RNF180: variants seen among roughly 807,000 people sequenced by gnomAD.
The protein encoded by RNF180 is E3 ubiquitin-protein ligase RNF180.
Under a neutral mutation model 59.2 loss-of-function variants are expected in RNF180, and 38 were observed. That is an observed-to-expected ratio of 0.64 (90% CI 0.50 to 0.84). The LOEUF (loss-of-function observed/expected upper bound fraction) is 0.84. Ranked by LOEUF, RNF180 falls within the 40% of genes least tolerant of loss-of-function variation. RNF180 has a pLI of 0.00. For synonymous variants in RNF180, 262 were observed against 240.3 expected (o/e 1.09, Z -0.84); for missense variants, 705 against 700.9 (o/e 1.01, Z -0.07).
chr5:64,365,751 T>C (rs1580318221), intron 7 of RNF180, among the ~76,000 whole-genome samples: 3 of 151,584 alleles, frequency 2.0e-5, no homozygotes, highest in Admixed American at 2.0e-4. Flanking sequence ...TGTCTTTTTT[T>C]ATCTTTGTTG....
intron 5 of RNF180, among the ~76,000 whole-genome samples, chr5:64,322,232 TG>T (rs1167657760): frequency 1.3e-5 from 2 of 151,880 alleles, no homozygotes; most frequent in Non-Finnish European, 2.9e-5. Context: ...AGCTACAAAA[TG>T]GGAGAAAATT....
intron 3 of RNF180, among the ~76,000 whole-genome samples, chr5:64,212,658 G>A (rs571784159): frequency 6.6e-6 from 1 of 152,158 alleles, no homozygotes; most frequent in Admixed American, 6.5e-5. Flanking sequence ...AAATAAATAG[G>A]ATAATTAATG....
At chr5:64,363,968 A>G (rs1010739473) in intron 7 of RNF180, among the ~76,000 whole-genome samples, 1 of 151,814 alleles carries the variant, frequency 6.6e-6, no homozygotes, top group Non-Finnish European at 1.5e-5. Context: ...TTTGCTTATC[A>G]GCTTAAGAAC....
In RNF180 at chr5:64,240,886, C is replaced by T. The variant is rs139260281; in HGVS notation, c.1227+23490C>T. On this transcript the variant is annotated intron_variant, in intron 5 of 7. Coordinates refer to ENST00000389100, the MANE Select transcript of RNF180 (RefSeq NM_001113561.2). ...TACATCTACATTCTTAATTTCTCTACTTAGTGTGGTTTTTCTTCATAGTAC... is the reference window on the plus strand; with the variant it reads ...TACATCTACATTCTTAATTTCTCTATTTAGTGTGGTTTTTCTTCATAGTAC... Among the ~76,000 whole-genome samples the T allele has an allele frequency of 8.5e-5, 13 of 152,282 alleles. No homozygotes were observed. The East Asian group carries it at 2.5e-3, about 29-fold the overall frequency.
chr5:64,171,042 T>TATAGATATAGAGTAACAATATAG (rs1346312841), intron 1 of RNF180, among the ~76,000 whole-genome samples: 2 of 152,184 alleles, frequency 1.3e-5, no homozygotes, highest in Non-Finnish European at 2.9e-5. Flanking sequence ...TTTGGAGTAA[T>TATAGATATAGAGTAACAATATAG]AGTCAACGAT....
At chr5:64,186,714 A>G (rs989354258) in intron 1 of RNF180, among the ~76,000 whole-genome samples, 6 of 152,144 alleles carry the variant, frequency 3.9e-5, no homozygotes, top group South Asian at 2.1e-4. Context: ...TTAAAATTAT[A>G]TTTAGATGTA....
At chr5:64,198,930 C>T (rs1363771319) in intron 1 of RNF180, among the ~76,000 whole-genome samples, 3 of 152,124 alleles carry the variant, frequency 2.0e-5, no homozygotes, top group Non-Finnish European at 4.4e-5. Flanking sequence ...ATTCTCCTGC[C>T]TCAGCCTCCC....
At chr5:64,183,955 A>G (rs145219267) in intron 1 of RNF180, among the ~76,000 whole-genome samples, 6 of 152,274 alleles carry the variant, frequency 3.9e-5, no homozygotes, top group Admixed American at 6.5e-5. Flanking sequence ...GAACATGGCT[A>G]TTTGGAGGAT....
intron 7 of RNF180, among the ~76,000 whole-genome samples, chr5:64,351,391 T>C (rs948367821): frequency 2.6e-5 from 4 of 152,104 alleles, no homozygotes; most frequent in African/African-American, 9.7e-5. Flanking sequence ...TGAATACCCT[T>C]TATTTATTTC....
chr5:64,248,313 A>G (rs1393349359), intron 5 of RNF180, among the ~76,000 whole-genome samples: 3 of 152,240 alleles, frequency 2.0e-5, no homozygotes, highest in Admixed American at 2.0e-4. Flanking sequence ...GATCAGAGTG[A>G]ACAGGCAACC....
chr5:64,322,517 GA>G (rs1267232168), intron 5 of RNF180, among the ~76,000 whole-genome samples: 1 of 151,890 alleles, frequency 6.6e-6, no homozygotes, highest in Admixed American at 6.6e-5. Context: ...GGGCTGTGGA[GA>G]AATAGGAATG....
intron 1 of RNF180, among the ~76,000 whole-genome samples, chr5:64,179,505 A>C (rs1041089742): frequency 1.8e-4 from 27 of 152,074 alleles, no homozygotes; most frequent in African/African-American, 6.5e-4. Flanking sequence ...TATAAATCTT[A>C]CTGTGCTGTG....
intron 5 of RNF180, among the ~76,000 whole-genome samples, chr5:64,295,528 A>G (rs1281581211): frequency 6.6e-6 from 1 of 152,210 alleles, no homozygotes; most frequent in Admixed American, 6.5e-5. Context: ...GGGCCTTTCA[A>G]AAGATTGTAC....
intron 5 of RNF180, among the ~76,000 whole-genome samples, chr5:64,284,601 C>A (rs1044461782): frequency 6.6e-6 from 1 of 152,148 alleles, no homozygotes; most frequent in Admixed American, 6.5e-5. Context: ...GAGATTCTTT[C>A]CTGAACCTTA....
chr5:64,188,406 A>C (rs1179051045), intron 1 of RNF180, among the ~76,000 whole-genome samples: 2 of 150,878 alleles, frequency 1.3e-5, no homozygotes, highest in East Asian at 3.9e-4. Flanking sequence ...CTCGTAAACA[A>C]AAAAAAAAGT....
At chr5:64,366,745 A>T (rs922174149) in intron 7 of RNF180, among the ~76,000 whole-genome samples, 1 of 151,668 alleles carries the variant, frequency 6.6e-6, no homozygotes, top group African/African-American at 2.4e-5. Context: ...GACACCATAA[A>T]GTGATCAAAT....
intron 5 of RNF180, among the ~76,000 whole-genome samples, chr5:64,263,990 T>G (rs879422466): frequency 6.6e-6 from 1 of 152,190 alleles, no homozygotes; most frequent in Admixed American, 6.6e-5. Flanking sequence ...ATGGCATAAT[T>G]CTACTGGCCT....
chr5:64,275,453 T>C (rs1360104441), intron 5 of RNF180, among the ~76,000 whole-genome samples: 1 of 151,216 alleles, frequency 6.6e-6, no homozygotes, highest in Non-Finnish European at 1.5e-5. Context: ...TTAAATGATA[T>C]AATGAAAAGA....
At chr5:64,354,617 T>C (rs1745945683) in intron 7 of RNF180, among the ~76,000 whole-genome samples, 2 of 151,864 alleles carry the variant, frequency 1.3e-5, no homozygotes, top group African/African-American at 4.8e-5. Flanking sequence ...ACTACCTCAG[T>C]ATGAAAGCCA....
Sources: gnomAD v4.1 joint callset for allele counts (sites outside exome capture counted in the v4.1 genomes callset) on GRCh38, gnomAD v4.1.1 for gene constraint, MANE v1.5 for transcripts, NCBI Gene and HGNC (gene_info 2026-07-23, HGNC 2026-07-21) for gene names.